Variants in TTC23 observed in about 807,000 individuals in gnomAD.
TTC23 encodes the protein tetratricopeptide repeat domain 23.
Under a neutral mutation model 55.1 loss-of-function variants are expected in TTC23, and 58 were observed. That is an observed-to-expected ratio of 1.05 (90% CI 0.85 to 1.31). The LOEUF is 1.31. Among genes scored for constraint, TTC23 ranks in the 50% most tolerant of loss-of-function variants. The probability of loss-of-function intolerance (pLI) is 0.00; values close to 1 mark genes in which losing one functional copy is unlikely to be tolerated. For missense variants in TTC23, 516 were observed against 534.4 expected (o/e 0.97, Z 0.34); for synonymous variants, 203 against 199.9 (o/e 1.02, Z -0.13).
rs979566337 is a variant in TTC23 at position 99,202,185 on chromosome 15, A to C, written c.582-2089T>G. The stretch of plus-strand genomic sequence containing the variant: ...AAAGTTTGCTGACCTCTGGTCTAGA[A>C]TCTAGAGAAAGTTACATACTTCTAA... On this transcript the variant is annotated intron_variant, in intron 8 of 13. Coordinates refer to ENST00000394132, the MANE Select transcript of TTC23 (RefSeq NM_001288615.3). Among the ~76,000 whole-genome samples the C allele has an allele frequency of 7.2e-5, 11 of 152,214 alleles. 1 individual carries two copies. The highest frequency in any genetic ancestry group is 1.0e-4 in the Non-Finnish European group (7 of 68,018).
chr15:99,249,846 G>A (rs987076720), upstream of TTC23: 2 of 152,132 alleles, frequency 1.3e-5, no homozygotes, highest in Non-Finnish European at 2.9e-5. Context: ...CAAATTGTGA[G>A]AACTTCAAGA....
intron 3 of TTC23, among the ~76,000 whole-genome samples, chr15:99,237,058 T>C (rs2079383902): frequency 1.3e-5 from 2 of 151,648 alleles, no homozygotes; most frequent in African/African-American, 4.8e-5. Flanking sequence ...CCTGGCTCAC[T>C]GCAACCTTCG....
At chr15:99,148,365 A>AAAAAAAAAG (rs2069235902) in intron 12 of TTC23, 2 of 119,114 alleles carry the variant, frequency 1.7e-5, no homozygotes, top group African/African-American at 3.1e-5. Context: ...TGTACCAAAA[A>AAAAAAAAAG]AAAAAAAAAA....
chr15:99,163,136 C>T (rs769236939), intron 10 of TTC23, among the ~76,000 whole-genome samples: 1 of 151,988 alleles, frequency 6.6e-6, no homozygotes, highest in Non-Finnish European at 1.5e-5. Flanking sequence ...AAAAACAAAA[C>T]CAGAAAGATT....
At chr15:99,250,765 A>C (rs182611245), upstream of TTC23, among the ~76,000 whole-genome samples, 140 of 152,288 alleles carry the variant, frequency 9.2e-4, no homozygotes, top group African/African-American at 2.5e-3. Flanking sequence ...CCTTTTTAGC[A>C]ATCTTTACTC....
At chr15:99,222,132 A>T (rs1311991743) in intron 5 of TTC23, among the ~76,000 whole-genome samples, 3 of 152,248 alleles carry the variant, frequency 2.0e-5, no homozygotes, top group Non-Finnish European at 4.4e-5. Context: ...AATAGAATTT[A>T]AAAAATAGAA....
At chr15:99,153,235 T>A (rs2070080711) in intron 12 of TTC23, among the ~76,000 whole-genome samples, 2 of 152,256 alleles carry the variant, frequency 1.3e-5, no homozygotes, top group Admixed American at 1.3e-4. Context: ...AAATGATTGA[T>A]TTAATATATT....
intron 8 of TTC23, among the ~76,000 whole-genome samples, chr15:99,215,118 A>T (rs1006678196): frequency 3.3e-5 from 5 of 149,672 alleles, no homozygotes; most frequent in African/African-American, 1.2e-4. Flanking sequence ...GGCCTCCCAA[A>T]GTGCTGGGAT....
In TTC23 at chr15:99,171,337, A is replaced by G. The variant is rs548133897; in HGVS notation, c.865+3713T>C. 1.3e-5 allele frequency among the ~76,000 whole-genome samples: 2 copies of G among 152,276 alleles called. 1 individual carries two copies. The highest frequency in any genetic ancestry group is 2.9e-5 in the Non-Finnish European group (2 of 68,022). On this transcript the variant is annotated intron_variant, in intron 10 of 13. Coordinates refer to ENST00000394132, the MANE Select transcript of TTC23 (RefSeq NM_001288615.3). ...TTGGGGTAGAACAACGAGTAGAGAC[A>G]GTAGGTCCTTCAGATTCATGGTACT...
At chr15:99,237,080 C>A (rs2079386388) in intron 3 of TTC23, among the ~76,000 whole-genome samples, 2 of 151,280 alleles carry the variant, frequency 1.3e-5, no homozygotes, top group African/African-American at 4.9e-5. Flanking sequence ...CTCCTGGGTT[C>A]AAGCGATTCT....
intron 3 of TTC23, among the ~76,000 whole-genome samples, chr15:99,236,510 A>C (rs1033765090): frequency 1.3e-5 from 2 of 151,262 alleles, no homozygotes; most frequent in African/African-American, 4.9e-5. Context: ...CTGTCACCCA[A>C]GCTGGAGTGC....
chr15:99,166,995 C>T (rs1328725966), intron 10 of TTC23, among the ~76,000 whole-genome samples: 1 of 152,202 alleles, frequency 6.6e-6, no homozygotes. Context: ...AAGATCCTGA[C>T]TTATTTCCCC....
chr15:99,208,567 C>T (rs1342995116), intron 8 of TTC23, among the ~76,000 whole-genome samples: 1 of 152,254 alleles, frequency 6.6e-6, no homozygotes, highest in South Asian at 2.1e-4. Flanking sequence ...CCCCTCACCT[C>T]CTCAGGTTGC....
chr15:99,216,196 T>C (rs919942756), intron 8 of TTC23, among the ~76,000 whole-genome samples: 1 of 152,222 alleles, frequency 6.6e-6, no homozygotes, highest in Admixed American at 6.5e-5. Context: ...TGAATAATCC[T>C]TGGACTAAAG....
At chr15:99,187,451 G>GAAAAAAAAAA (rs2074779029) in intron 9 of TTC23, among the ~76,000 whole-genome samples, 1 of 10,454 alleles carries the variant, frequency 9.6e-5, no homozygotes, top group African/African-American at 6.4e-4. Context: ...AAAAGCACAA[G>GAAAAAAAAAA]CAAAAAAAAA....
upstream of TTC23, chr15:99,249,811 A>G (rs371303196): frequency 1.1e-3 from 170 of 152,262 alleles, 3 homozygotes; most frequent in African/African-American, 3.7e-3. Context: ...TTTAAGAGAG[A>G]CAAAACGTGC....
At chr15:99,173,361 T>C (rs2073172007) in intron 10 of TTC23, among the ~76,000 whole-genome samples, 1 of 152,148 alleles carries the variant, frequency 6.6e-6, no homozygotes, top group Non-Finnish European at 1.5e-5. Flanking sequence ...GAAGCCAAGA[T>C]GGGAGGGTAG....
chr15:99,230,057 G>A (rs2078809596), intron 4 of TTC23, among the ~76,000 whole-genome samples: 1 of 152,120 alleles, frequency 6.6e-6, no homozygotes, highest in African/African-American at 2.4e-5. Flanking sequence ...AAAGAAGCAG[G>A]AAAACATGGC....
chr15:99,213,025 A>G (rs7162708), intron 8 of TTC23, among the ~76,000 whole-genome samples: 27,328 of 149,554 alleles, frequency 0.18, 2,774 homozygotes, highest in African/African-American at 0.25. Context: ...CATAAATCCA[A>G]TGAGCGCTGC....
Sources: gnomAD v4.1 joint callset for allele counts (sites outside exome capture counted in the v4.1 genomes callset) on GRCh38, gnomAD v4.1.1 for gene constraint, MANE v1.5 for transcripts, NCBI Gene and HGNC (gene_info 2026-07-23, HGNC 2026-07-21) for gene names.